LPCAT1: variants seen among roughly 807,000 people sequenced by gnomAD.
LPCAT1 encodes 1-acylglycerol-3-phosphate O-acyltransferase.
A neutral mutation model predicts 60.9 loss-of-function variants in LPCAT1; 23 were observed. The ratio of observed to expected loss-of-function variants is 0.38; its 90% CI spans 0.27 to 0.53. The LOEUF (loss-of-function observed/expected upper bound fraction) is 0.53, where lower values mean the gene tolerates loss of function less well. LPCAT1 is among the 20% of genes least tolerant of loss of function. The pLI is 0.82. For missense variants in LPCAT1, 622 were observed against 723.6 expected, an observed-to-expected ratio of 0.86 and a Z score of 1.61; for synonymous variants, 340 against 301.1, an observed-to-expected ratio of 1.13 and a Z score of -1.34.
rs868069659 is a variant in LPCAT1 at position 1,521,135 on chromosome 5, C to A, written c.135+2575G>T. Reference sequence around the variant, plus strand: ...TTAGCCAGAGGATTAAAACATTGCACGTATTACAGACCCTGATGGCTTTGA... The same window carrying A: ...TTAGCCAGAGGATTAAAACATTGCAAGTATTACAGACCCTGATGGCTTTGA... On this transcript the variant is annotated intron_variant, in intron 1 of 13. Transcript: ENST00000283415. This position sits in a 1 kb window ranked among gnomAD's most constrained non-coding sequence, Gnocchi z 4.3. Among the ~76,000 whole-genome samples the A allele has an allele frequency of 6.6e-6, 1 of 152,176 alleles. No homozygotes were observed. The highest frequency in any genetic ancestry group is 1.5e-5 in the Non-Finnish European group (1 of 68,042).
chr5:1,507,526 G>A (rs1463537065), intron 1 of LPCAT1, among the ~76,000 whole-genome samples: 1 of 152,236 alleles, frequency 6.6e-6, no homozygotes, highest in Non-Finnish European at 1.5e-5. Flanking sequence ...GAAGGCCCAG[G>A]GCTCCTCAGC....
chr5:1,483,220 C>T lies in LPCAT1; in HGVS notation c.726+208G>A, dbSNP rs1439385804. 6.6e-6 allele frequency among the ~76,000 whole-genome samples: 1 copy of T among 152,188 alleles called. No homozygotes were observed. Among genetic ancestry groups the T allele is most frequent in the Non-Finnish European group, 1.5e-5 (1 of 68,042 alleles). ...ATCAGGGACACGTGCATAGAACAGG[C>T]CGCACTCAGGAACGTGCCGAGCCCA... On this transcript the variant is annotated intron_variant, in intron 6 of 13. Coordinates refer to ENST00000283415, the MANE Select transcript of LPCAT1 (RefSeq NM_024830.5). This position sits in a 1 kb window ranked among gnomAD's most constrained non-coding sequence, Gnocchi z 9.2.
chr5:1,509,519 C>T (rs757031947), intron 1 of LPCAT1, among the ~76,000 whole-genome samples: 86 of 152,292 alleles, frequency 5.6e-4, no homozygotes, highest in Middle Eastern at 3.4e-3. Flanking sequence ...GGCATCCCAT[C>T]GGACGGAGCC....
At chr5:1,498,559 A>C (rs976613312) in intron 2 of LPCAT1, among the ~76,000 whole-genome samples, 1 of 152,148 alleles carries the variant, frequency 6.6e-6, no homozygotes, top group South Asian at 2.1e-4. Context: ...ATATGTACAC[A>C]CATATACTCT....
chr5:1,519,389 T>C (rs116474394), intron 1 of LPCAT1, among the ~76,000 whole-genome samples: 1,709 of 152,376 alleles, frequency 0.011, 32 homozygotes, highest in African/African-American at 0.038. Context: ...GACAGAATGC[T>C]ATAAAAAATG....
At chr5:1,497,529 C>T (rs953606534) in intron 2 of LPCAT1, among the ~76,000 whole-genome samples, 1 of 152,220 alleles carries the variant, frequency 6.6e-6, no homozygotes. Flanking sequence ...AGGAAGGGGC[C>T]CTGGGGCCAC....
Position 1,521,766 on chromosome 5 carries a change from A to T in LPCAT1, c.135+1944T>A, listed in dbSNP as rs182992610. Reference sequence around the variant, plus strand: ...GGGAGAACAGCTGCCCAAAGCCTTCAATCTCGGGACCAGGAGCCTCTCGAT... The same window carrying T: ...GGGAGAACAGCTGCCCAAAGCCTTCTATCTCGGGACCAGGAGCCTCTCGAT... On this transcript the variant is annotated intron_variant, in intron 1 of 13. Coordinates refer to ENST00000283415, the MANE Select transcript of LPCAT1 (RefSeq NM_024830.5). The surrounding 1 kb of genome is among the most constrained non-coding windows in gnomAD (Gnocchi z 4.3). Among the ~76,000 whole-genome samples the T allele has an allele frequency of 1.3e-5, 2 of 152,146 alleles. No individual in the cohort carries two copies. Among genetic ancestry groups the T allele is most frequent in the Admixed American group, 1.3e-4 (2 of 15,280 alleles).
chr5:1,514,474 G>C (rs1337380480), intron 1 of LPCAT1, among the ~76,000 whole-genome samples: 2 of 152,216 alleles, frequency 1.3e-5, no homozygotes, highest in East Asian at 3.8e-4. Context: ...CTGTGTCCCA[G>C]GACACTGGGA....
At position 1,495,012 on chromosome 5, in the gene LPCAT1, C is replaced by A. The variant is rs1735733651; in HGVS notation, c.279-98G>T. 2 of 1,141,220 alleles carry A rather than the reference C, an allele frequency of 1.8e-6. No individual in the cohort carries two copies. Among genetic ancestry groups the A allele is most frequent in the Admixed American group, 4.8e-5 (2 of 41,370 alleles). The allele number at this position is 1,141,220 out of a possible 1,614,324, so 70.7% of individuals were successfully genotyped here. The stretch of plus-strand genomic sequence containing the variant: ...TCCCACGGGAGAGCCCTCCAGGGCG[C>A]AGTCCAGGCCACGGGCTTCCTGTGG... On this transcript the variant is annotated intron_variant, in intron 2 of 13. Transcript: ENST00000283415. The surrounding 1 kb of genome is among the most constrained non-coding windows in gnomAD (Gnocchi z 4.7).
At chr5:1,500,426 T>C (rs958871847) in intron 2 of LPCAT1, among the ~76,000 whole-genome samples, 1 of 152,266 alleles carries the variant, frequency 6.6e-6, no homozygotes, top group African/African-American at 2.4e-5. Context: ...GATCTTTAGT[T>C]TAGATGTATT....
chr5:1,472,035 G>A (rs548070746), intron 11 of LPCAT1, among the ~76,000 whole-genome samples: 1 of 151,878 alleles, frequency 6.6e-6, no homozygotes, highest in African/African-American at 2.4e-5. Context: ...GCTCTGGTCA[G>A]AGAGCAGGAG....
At position 1,481,204 on chromosome 5, in the gene LPCAT1, C is replaced by A. The variant is rs1467865476; in HGVS notation, c.727-228G>T. The stretch of plus-strand genomic sequence containing the variant: ...CCAGAGCCTCTAAGGACCCAGAGAA[C>A]CACCACCTTACAGGTCCCCAGAGTT... On this transcript the variant is annotated intron_variant, in intron 6 of 13. Coordinates refer to ENST00000283415, the MANE Select transcript of LPCAT1 (RefSeq NM_024830.5). The surrounding 1 kb of genome is among the most constrained non-coding windows in gnomAD (Gnocchi z 7.8). Among the ~76,000 whole-genome samples, 1 of 152,140 alleles carries A rather than the reference C, an allele frequency of 6.6e-6. No individual in the cohort carries two copies. Among genetic ancestry groups the A allele is most frequent in the Non-Finnish European group, 1.5e-5 (1 of 68,016 alleles).
rs1368921593 is a variant in LPCAT1 at position 1,474,903 on chromosome 5, GAC to G, written c.900-220_900-219del. On this transcript the variant is annotated intron_variant, in intron 9 of 13. Coordinates refer to ENST00000283415, the MANE Select transcript of LPCAT1 (RefSeq NM_024830.5). Reference sequence around the variant, plus strand: ...GACGGCAGCCACACCAAAGGTCACTGACACAGACTGCCATCACGTGAGAATCG... The same window carrying G: ...GACGGCAGCCACACCAAAGGTCACTGACAGACTGCCATCACGTGAGAATCG... 3.3e-5 allele frequency among the ~76,000 whole-genome samples: 5 copies of G among 152,376 alleles called. 1 individual carries two copies. In the South Asian group the frequency reaches 8.3e-4, roughly 25 times the overall value.
At chr5:1,469,802 AC>A (rs1237627563) in intron 12 of LPCAT1, among the ~76,000 whole-genome samples, 1 of 151,826 alleles carries the variant, frequency 6.6e-6, no homozygotes, top group Admixed American at 6.6e-5. Flanking sequence ...AAAAAAAAAA[AC>A]AACAGGGCAC....
In LPCAT1 at chr5:1,495,181, T is replaced by G. The variant is rs7711887; in HGVS notation, c.279-267A>C. On this transcript the variant is annotated intron_variant, in intron 2 of 13. Coordinates refer to ENST00000283415, the MANE Select transcript of LPCAT1 (RefSeq NM_024830.5). The surrounding 1 kb of genome is among the most constrained non-coding windows in gnomAD (Gnocchi z 4.7). ...TGGTCACGGGCCACGCGGCAGGCAGTGCTAAGACAACATGAGACTCCGGAA... is the reference window on the plus strand; with the variant it reads ...TGGTCACGGGCCACGCGGCAGGCAGGGCTAAGACAACATGAGACTCCGGAA... Among the ~76,000 whole-genome samples, 731 of 152,236 alleles carry G rather than the reference T, an allele frequency of 4.8e-3. 7 individuals carry two copies. Among genetic ancestry groups the G allele is most frequent in the African/African-American group, 0.017 (691 of 41,530 alleles).
intron 5 of LPCAT1, 109 bp downstream of exon 5, chr5:1,488,282 G>A: frequency 3.0e-6 from 2 of 659,626 alleles, no homozygotes; most frequent in South Asian, 4.4e-5. Flanking sequence ...CCAGCACACA[G>A]GATAAAAACA....
intron 13 of LPCAT1, among the ~76,000 whole-genome samples, chr5:1,466,529 T>C (rs1734411824): frequency 6.6e-6 from 1 of 152,194 alleles, no homozygotes; most frequent in Non-Finnish European, 1.5e-5. Flanking sequence ...TTTGGTTGTA[T>C]AAATCGCCAA....
intron 11 of LPCAT1, among the ~76,000 whole-genome samples, chr5:1,471,883 G>A (rs1734685013): frequency 1.3e-5 from 2 of 149,540 alleles, no homozygotes; most frequent in Admixed American, 1.3e-4. Context: ...TCCCTGGCTG[G>A]AGAGAGCAAG....
intron 8 of LPCAT1, among the ~76,000 whole-genome samples, chr5:1,478,615 G>C (rs769890948): frequency 6.6e-6 from 1 of 152,254 alleles, no homozygotes; most frequent in African/African-American, 2.4e-5. Flanking sequence ...CCTCAGGCCC[G>C]GGCCAAGGCC....
Sources: allele counts gnomAD v4.1 joint callset (sites outside exome capture counted in the v4.1 genomes callset), GRCh38; gene constraint gnomAD v4.1.1; non-coding constraint Gnocchi (gnomAD v3.1); transcripts MANE v1.5; gene names NCBI Gene and HGNC (gene_info 2026-07-23, HGNC 2026-07-21).